Variants in ESYT3 observed in about 807,000 individuals in gnomAD.
ESYT3 encodes the protein extended synaptotagmin 3, also known as extended synaptotagmin-3.
ESYT3 carries 101 observed loss-of-function variants against 111.5 expected under a neutral mutation model. That is an observed-to-expected ratio of 0.91 (90% CI 0.77 to 1.07). ESYT3 has a LOEUF of 1.07. ESYT3 is among the 50% of genes least tolerant of loss of function. The probability of loss-of-function intolerance (pLI) is 0.00; values close to 1 mark genes in which losing one functional copy is unlikely to be tolerated. For missense variants in ESYT3, 1,097 were observed against 1,109.4 expected, an observed-to-expected ratio of 0.99 and a Z score of 0.16; for synonymous variants, 416 against 446.8, an observed-to-expected ratio of 0.93 and a Z score of 0.87.
At position 138,477,075 on chromosome 3, in the gene ESYT3, A is replaced by AT. The variant is rs1274709797; in HGVS notation, c.*228dup. 4.7e-6 allele frequency: 2 copies of AT among 425,708 alleles called. No individual in the cohort carries two copies. The highest frequency in any genetic ancestry group is 4.0e-5 in the East Asian group (1 of 24,982). The allele number at this position is 425,708 out of a possible 1,614,324, so 26.4% of individuals were successfully genotyped here. A position where few individuals can be genotyped will look rare whatever the true frequency, so the allele number is the denominator to read the frequency against. ...AGCAAGAACTACTTTTTTTGGTTGGATTTTTTTGTTCAAGTCCAGAAAGAA... is the reference window on the plus strand; with the variant it reads ...AGCAAGAACTACTTTTTTTGGTTGGATTTTTTTTGTTCAAGTCCAGAAAGAA... On this transcript the variant is annotated 3_prime_UTR_variant, in exon 23 of 23. Transcript: ENST00000389567.
chr3:138,459,835 T>G (rs565018080), intron 5 of ESYT3, 110 bp from the exon 6 acceptor site: 2 of 900,230 alleles, frequency 2.2e-6, no homozygotes, highest in South Asian at 1.6e-5. Context: ...GGCCCTGACA[T>G]GTGGGGCAGC....
At position 138,465,353 on chromosome 3, in the gene ESYT3, A is replaced by G. The variant is rs746785303; in HGVS notation, c.1101A>G (p.Glu367=). ...TTTCCTTCCAGTTCATGGTGTACGAAGTCCCTGGACAGGACCTGGAGGTAG... is the reference window on the plus strand; with the variant it reads ...TTTCCTTCCAGTTCATGGTGTACGAGGTCCCTGGACAGGACCTGGAGGTAG... ...WNEVFEFMVY[E]VPGQDLEVDL... Residue 367 remains glutamate, a synonymous_variant, in exon 10 of 23, where the codon GAA becomes GAG. Transcript: ENST00000389567. 6.3e-7 allele frequency: 1 copy of G among 1,593,732 alleles called. No homozygotes were observed. The highest frequency in any genetic ancestry group is 2.3e-5 in the East Asian group (1 of 44,426).
intron 2 of ESYT3, among the ~76,000 whole-genome samples, chr3:138,454,073 CA>C (rs1392756818): frequency 6.6e-6 from 1 of 152,190 alleles, no homozygotes; most frequent in African/African-American, 2.4e-5. Flanking sequence ...GCTCGGGTAA[CA>C]GGGGGACCCT....
intron 16 of ESYT3, chr3:138,470,623 C>T: frequency 8.0e-7 from 1 of 1,252,324 alleles, no homozygotes; most frequent in East Asian, 3.4e-5. Flanking sequence ...GTCCCCAAAG[C>T]CCCCTGGCTC....
chr3:138,468,105 T>A lies in ESYT3; in HGVS notation c.1219T>A (p.Trp407Arg). ...DVMTNRVVDEWFVLNDTTSGR... is the reference protein window; with the variant it reads ...DVMTNRVVDERFVLNDTTSGR... ...TGAGCTTTCTGCCCCTACCCCACAG[T>A]GGTTTGTCCTGAATGACACAACCAG... Residue 407 changes from tryptophan (W) to arginine (R), a missense_variant and splice_region_variant, in exon 12 of 23, where the codon TGG becomes AGG. By Grantham distance (101) the Trp-to-Arg change is moderately radical. Coordinates refer to ENST00000389567, the MANE Select transcript of ESYT3 (RefSeq NM_031913.5). 1 of 1,614,084 alleles carries A rather than the reference T, an allele frequency of 6.2e-7. No homozygotes were observed. The highest frequency in any genetic ancestry group is 8.5e-7 in the Non-Finnish European group (1 of 1,180,010).
At chr3:138,449,082 C>CTTTTTTTTTTTT (rs398040196) in intron 1 of ESYT3, among the ~76,000 whole-genome samples, 10 of 113,122 alleles carry the variant, frequency 8.8e-5, no homozygotes, top group East Asian at 2.7e-4. Flanking sequence ...CTTTCTTTTT[C>CTTTTTTTTTTTT]TTTTTTTTTT....
At chr3:138,445,770 G>A (rs987152735) in intron 1 of ESYT3, among the ~76,000 whole-genome samples, 2 of 152,200 alleles carry the variant, frequency 1.3e-5, no homozygotes, top group Admixed American at 1.3e-4. Context: ...GAAGGATACC[G>A]AGCATCATCC....
intron 2 of ESYT3, among the ~76,000 whole-genome samples, chr3:138,452,387 T>TA (rs1241675025): frequency 1.3e-5 from 2 of 152,174 alleles, no homozygotes; most frequent in Non-Finnish European, 2.9e-5. Context: ...GAGGAAGACA[T>TA]TAATTAGACA....
chr3:138,462,016 G>T, intron 7 of ESYT3, 70 bp from the exon 8 acceptor site: 1 of 1,607,952 alleles, frequency 6.2e-7, no homozygotes, highest in South Asian at 1.1e-5. Flanking sequence ...GTTCCTGCTA[G>T]GGATGGAGTG....
At position 138,436,663 on chromosome 3, in the gene ESYT3, A is replaced by G. The variant is rs1438551643; in HGVS notation, c.327+1538A>G. Among the ~76,000 whole-genome samples, 4 of 152,342 alleles carry G rather than the reference A, an allele frequency of 2.6e-5. No homozygotes were observed. In the East Asian group the frequency reaches 7.7e-4, roughly 29 times the overall value. On this transcript the variant is annotated intron_variant, in intron 1 of 22. Coordinates refer to ENST00000389567, the MANE Select transcript of ESYT3 (RefSeq NM_031913.5). The stretch of plus-strand genomic sequence containing the variant: ...GGCCTGACTCCCACAGACTTTGGTC[A>G]TCCTGATGGTTCTGTGGGGCTTGTG...
At chr3:138,450,802 G>A (rs1054523009) in intron 1 of ESYT3, among the ~76,000 whole-genome samples, 1 of 152,250 alleles carries the variant, frequency 6.6e-6, no homozygotes, top group Non-Finnish European at 1.5e-5. Flanking sequence ...TGGTAGGTGT[G>A]CGAACTGCAG....
intron 8 of ESYT3, among the ~76,000 whole-genome samples, chr3:138,462,645 A>G (rs1050983819): frequency 9.9e-5 from 15 of 152,136 alleles, no homozygotes; most frequent in African/African-American, 1.7e-4. Flanking sequence ...CCCTTCACTT[A>G]TAAGTCATGG....
chr3:138,454,087 C>A (rs761836996), intron 2 of ESYT3, among the ~76,000 whole-genome samples: 21 of 152,164 alleles, frequency 1.4e-4, no homozygotes, highest in Non-Finnish European at 2.2e-4. Context: ...GGGACCCTAT[C>A]GCTACAAAAA....
Position 138,455,221 on chromosome 3 carries a change from A to G in ESYT3, c.397A>G (p.Ser133Gly), listed in dbSNP as rs948027695. The G allele has an allele frequency of 5.6e-6, 9 of 1,614,078 alleles. No homozygotes were observed. The Admixed American group carries it at 8.3e-5, about 15-fold the overall frequency. ...KIISQTWPYL[S>G]MIMESKFREK... ...CATCTCTCAGACCTGGCCCTACCTA[A>G]GCATGATCATGGAAAGCAAGTTCCG... is the stretch of plus-strand genomic sequence containing the variant. The change falls in exon 3 of 23, where the codon AGC (serine) becomes GGC (glycine). Residue 133 changes from serine to glycine, a missense_variant. By Grantham distance (56) the Ser-to-Gly change is moderately conservative. Coordinates refer to ENST00000389567, the MANE Select transcript of ESYT3 (RefSeq NM_031913.5).
At chr3:138,480,327 TA>T (rs1334323469), downstream of ESYT3, 34 of 152,360 alleles carry the variant, frequency 2.2e-4, no homozygotes, top group Non-Finnish European at 4.3e-4. Context: ...TTTCTGTTTA[TA>T]TTAATGGCAG....
intron 1 of ESYT3, among the ~76,000 whole-genome samples, chr3:138,438,067 G>T (rs1057109898): frequency 6.6e-6 from 1 of 152,150 alleles, no homozygotes; most frequent in African/African-American, 2.4e-5. Flanking sequence ...AACTGTGAAG[G>T]CAAAGAGAGA....
chr3:138,455,699 C>T (rs1290302238), intron 3 of ESYT3, among the ~76,000 whole-genome samples: 1 of 152,234 alleles, frequency 6.6e-6, no homozygotes, highest in Non-Finnish European at 1.5e-5. Context: ...TGAACACACG[C>T]TCACAGTTTG....
At chr3:138,464,294 C>G (rs766021217) in intron 8 of ESYT3, 51 bp from the exon 9 acceptor site, 2 of 1,598,824 alleles carry the variant, frequency 1.3e-6, no homozygotes, top group Non-Finnish European at 1.7e-6. Context: ...TACTCCAGGA[C>G]TTGGAGGCCC....
At chr3:138,436,914 T>C (rs2030745232) in intron 1 of ESYT3, among the ~76,000 whole-genome samples, 1 of 152,160 alleles carries the variant, frequency 6.6e-6, no homozygotes, top group Admixed American at 6.5e-5. Flanking sequence ...ATATCCGATA[T>C]TGGGTCAAAA....
Sources: gnomAD v4.1 joint callset for allele counts (sites outside exome capture counted in the v4.1 genomes callset) on GRCh38, gnomAD v4.1.1 for gene constraint, MANE v1.5 for transcripts, NCBI Gene and HGNC (gene_info 2026-07-23, HGNC 2026-07-21) for gene names.